TSHZ1: variants seen among roughly 807,000 people sequenced by gnomAD.
TSHZ1 encodes teashirt homolog 1.
TSHZ1 carries 12 observed loss-of-function variants against 67.1 expected under a neutral mutation model. The observed-to-expected ratio is 0.18, with a 90% CI of 0.11 to 0.29. The LOEUF (loss-of-function observed/expected upper bound fraction) is 0.29, where lower values mean the gene tolerates loss of function less well. Ranked by LOEUF, TSHZ1 falls within the 10% of genes least tolerant of loss-of-function variation. TSHZ1 has a pLI of 1.00. For missense variants in TSHZ1, 1,305 were observed against 1,413.9 expected, an observed-to-expected ratio of 0.92 and a Z score of 1.23; for synonymous variants, 632 against 622.4, an observed-to-expected ratio of 1.02 and a Z score of -0.23.
intron 1 of TSHZ1, among the ~76,000 whole-genome samples, chr18:75,215,731 T>C (rs1024308443): frequency 2.6e-5 from 4 of 152,210 alleles, no homozygotes; most frequent in Non-Finnish European, 5.9e-5. Flanking sequence ...GAACAGGAAA[T>C]ATTCTGTGAA....
rs2023689175 is a variant in TSHZ1, at chr18:75,281,747, A to T, written c.41-3701A>T. Among the ~76,000 whole-genome samples, 2 of 152,244 alleles carry T rather than the reference A, an allele frequency of 1.3e-5. No homozygotes were observed. Among genetic ancestry groups the T allele is most frequent in the Admixed American group, 1.3e-4 (2 of 15,300 alleles). ...GGGTCTGGAGACGAGGGAGAGGGCC[A>T]CATGCTGCTCATGGGTGCAACCGGG... On this transcript the variant is annotated intron_variant, in intron 1 of 1. Transcript: ENST00000580243. The surrounding 1 kb of genome is among the most constrained non-coding windows in gnomAD (Gnocchi z 5.3).
intron 1 of TSHZ1, among the ~76,000 whole-genome samples, chr18:75,262,736 C>T (rs2023446021): frequency 6.6e-6 from 1 of 152,156 alleles, no homozygotes; most frequent in Non-Finnish European, 1.5e-5. Flanking sequence ...TATGTAGTTC[C>T]TCTTCTCAGC....
intron 1 of TSHZ1, among the ~76,000 whole-genome samples, 161 bp downstream of exon 1, chr18:75,212,077 C>T (rs1214900086): frequency 1.3e-5 from 2 of 152,044 alleles, no homozygotes; most frequent in Non-Finnish European, 2.9e-5. Flanking sequence ...GCTGCGGTCG[C>T]CGTCCTCCCC....
chr18:75,265,699 C>T (rs1302864723), intron 1 of TSHZ1, among the ~76,000 whole-genome samples: 1 of 152,118 alleles, frequency 6.6e-6, no homozygotes, highest in East Asian at 1.9e-4. Flanking sequence ...GTGGATAAAT[C>T]TGCTTCTCCC....
At chr18:75,261,846 C>A (rs1390351149) in intron 1 of TSHZ1, among the ~76,000 whole-genome samples, 1 of 152,162 alleles carries the variant, frequency 6.6e-6, no homozygotes, top group Non-Finnish European at 1.5e-5. Flanking sequence ...GATAACCTTA[C>A]AAATCAACTT....
chr18:75,223,749 G>T (rs2022880826), intron 1 of TSHZ1, among the ~76,000 whole-genome samples: 1 of 151,982 alleles, frequency 6.6e-6, no homozygotes, highest in South Asian at 2.1e-4. Flanking sequence ...CCCTGCATGT[G>T]CTGGGAAAGC....
Position 75,281,929 on chromosome 18 carries a change from G to T in TSHZ1, c.41-3519G>T, listed in dbSNP as rs1016474308. Among the ~76,000 whole-genome samples the T allele has an allele frequency of 1.3e-5, 2 of 152,142 alleles. No homozygotes were observed. The highest frequency in any genetic ancestry group is 4.8e-5 in the African/African-American group (2 of 41,418). On this transcript the variant is annotated intron_variant, in intron 1 of 1. Coordinates refer to ENST00000580243, the MANE Select transcript of TSHZ1 (RefSeq NM_001308210.2). This position sits in a 1 kb window ranked among gnomAD's most constrained non-coding sequence, Gnocchi z 5.3. ...TCCCTCACCTACCCGGTCAGAGGCT[G>T]CCTGATCACCCTGCTTTGCTTCTTC...
At chr18:75,239,981 A>G (rs28548474) in intron 1 of TSHZ1, among the ~76,000 whole-genome samples, 2,924 of 152,288 alleles carry the variant, frequency 0.019, 65 homozygotes, top group Middle Eastern at 0.054. Flanking sequence ...GGTTGTGGTC[A>G]TTTGTTTCCC....
chr18:75,235,160 G>A (rs994497847), intron 1 of TSHZ1, among the ~76,000 whole-genome samples: 5 of 152,014 alleles, frequency 3.3e-5, no homozygotes, highest in East Asian at 1.9e-4. Context: ...CATAAATCAC[G>A]CTGCCTTAAA....
At chr18:75,212,166 CGGGGGAGGCCG>C (rs2122505662) in intron 1 of TSHZ1, among the ~76,000 whole-genome samples, 1 of 152,120 alleles carries the variant, frequency 6.6e-6, no homozygotes. Flanking sequence ...CCCGGATGGC[CGGGGGAGGCCG>C]GGGGCCGCGG....
At chr18:75,220,245 T>C (rs1250949555) in intron 1 of TSHZ1, among the ~76,000 whole-genome samples, 1 of 152,200 alleles carries the variant, frequency 6.6e-6, no homozygotes, top group Non-Finnish European at 1.5e-5. Context: ...TTTTTGCGTG[T>C]GTGCCTATTT....
intron 1 of TSHZ1, among the ~76,000 whole-genome samples, chr18:75,262,341 ACT>A (rs1003969472): frequency 6.6e-6 from 1 of 152,184 alleles, no homozygotes; most frequent in Admixed American, 6.5e-5. Context: ...ACTACATGAC[ACT>A]GAGTCATATT....
rs2023639339 is a variant in TSHZ1, at chr18:75,278,257, GGT to G, written c.41-7189_41-7188del. ...CTGTGTGTGACAGGTATAGCCTGGG[GGT>G]GGGTTGGAGGGGGGCTGGCTTCCCA... On this transcript the variant is annotated intron_variant, in intron 1 of 1. Coordinates refer to ENST00000580243, the MANE Select transcript of TSHZ1 (RefSeq NM_001308210.2). Among the ~76,000 whole-genome samples, 7 of 148,156 alleles carry G rather than the reference GGT, an allele frequency of 4.7e-5. No homozygotes were observed. The South Asian group carries it at 1.6e-3, about 34-fold the overall frequency.
At chr18:75,256,829 A>G (rs1482423506) in intron 1 of TSHZ1, among the ~76,000 whole-genome samples, 1 of 152,214 alleles carries the variant, frequency 6.6e-6, no homozygotes, top group Non-Finnish European at 1.5e-5. Flanking sequence ...TGTGCATTTT[A>G]CCTGTTCCAC....
intron 1 of TSHZ1, among the ~76,000 whole-genome samples, chr18:75,250,410 G>A (rs1270575495): frequency 6.6e-6 from 1 of 152,194 alleles, no homozygotes; most frequent in Non-Finnish European, 1.5e-5. Context: ...TCTCCCTTCC[G>A]TCCCGCTCTG....
rs994881910 is a variant in TSHZ1, at chr18:75,222,173, G to C, written c.40+10257G>C. The stretch of plus-strand genomic sequence containing the variant: ...GTGGCTTGTGTGCTTGGGTTAGAGG[G>C]GGGTTGTGCTACCTTGCAGCGTTTT... On this transcript the variant is annotated intron_variant, in intron 1 of 1. Transcript: ENST00000580243. Among the ~76,000 whole-genome samples, 15 of 152,142 alleles carry C rather than the reference G, an allele frequency of 9.9e-5. No individual in the cohort carries two copies. In the East Asian group the frequency reaches 2.1e-3, roughly 22 times the overall value.
intron 1 of TSHZ1, among the ~76,000 whole-genome samples, chr18:75,270,561 G>T (rs2023544927): frequency 6.6e-6 from 1 of 152,192 alleles, no homozygotes; most frequent in Non-Finnish European, 1.5e-5. Context: ...CATTATCCAA[G>T]AATATATTTG....
In TSHZ1 at chr18:75,287,766, T is replaced by G. The variant is rs200217009; in HGVS notation, c.2359T>G (p.Tyr787Asp). The G allele has an allele frequency of 1.1e-5, 17 of 1,614,174 alleles. No homozygotes were observed. The Admixed American group carries it at 1.7e-4, about 16-fold the overall frequency. Residue 787 changes from tyrosine to aspartate, a missense_variant, in exon 2 of 2, where the codon TAC (tyrosine) becomes GAC (aspartate). Coordinates refer to ENST00000580243, the MANE Select transcript of TSHZ1 (RefSeq NM_001308210.2). This position sits in a 1 kb window ranked among gnomAD's most constrained non-coding sequence, Gnocchi z 5.0. Reference protein sequence around the residue: ...ISNSMLDKPVYPATPVKQADA... With the variant: ...ISNSMLDKPVDPATPVKQADA... ...CAACAGCATGCTGGACAAGCCGGTG[T>G]ACCCCGCCACCCCTGTGAAGCAGGC...
chr18:75,216,014 G>C (rs1405358726), intron 1 of TSHZ1, among the ~76,000 whole-genome samples: 1 of 151,798 alleles, frequency 6.6e-6, no homozygotes, highest in Admixed American at 6.6e-5. Flanking sequence ...AAGGGGAGGG[G>C]GGCTGGTCAG....
Sources: gnomAD v4.1 joint callset for allele counts (sites outside exome capture counted in the v4.1 genomes callset) on GRCh38, gnomAD v4.1.1 for gene constraint, Gnocchi (gnomAD v3.1) non-coding constraint, MANE v1.5 for transcripts, NCBI Gene and HGNC (gene_info 2026-07-23, HGNC 2026-07-21) for gene names.